The following ASPRV1 variants were observed in gnomAD, a reference collection of about 807,000 sequenced individuals.
The protein encoded by ASPRV1 is aspartic peptidase retroviral like 1.
In ASPRV1, 7 loss-of-function variants were observed where a neutral mutation model predicts 11.0. That is an observed-to-expected ratio of 0.64 (90% confidence interval 0.36 to 1.20). The LOEUF is 1.20. ASPRV1 is among the 50% of genes most tolerant of loss of function. The pLI is 0.02. For synonymous variants in ASPRV1, 136 were observed against 138.4 expected (o/e 0.98, Z 0.12); for missense variants, 299 against 320.0 (o/e 0.93, Z 0.50).
chr2:69,961,368 A>G lies in ASPRV1; in HGVS notation c.69T>C (p.Asp23=), dbSNP rs1173766695. Residue 23 remains aspartate, a synonymous_variant, in exon 1 of 1, where the codon GAT becomes GAC. Transcript: ENST00000320256. Reference sequence around the variant, plus strand: ...AGAGGTTTGGGACGACATTGGCCCCATCAAAAGGTTCCGGGACGAAGGCAT... The same window carrying G: ...AGAGGTTTGGGACGACATTGGCCCCGTCAAAAGGTTCCGGGACGAAGGCAT... ...RQHAFVPEPF[D]GANVVPNLWL... 1 of 1,614,140 alleles carries G rather than the reference A, an allele frequency of 6.2e-7. No individual in the cohort carries two copies. The highest frequency in any genetic ancestry group is 8.5e-7 in the Non-Finnish European group (1 of 1,180,020).
chr2:70,057,995 A>T, the ASPRV1 span, among the ~76,000 whole-genome samples: 2 of 151,226 alleles, frequency 1.3e-5, no homozygotes, highest in African/African-American at 4.9e-5. Context: ...GCGTTTCACC[A>T]TGTTGGCCAG....
the ASPRV1 span, among the ~76,000 whole-genome samples, chr2:69,981,050 A>G: frequency 6.6e-6 from 1 of 152,266 alleles, no homozygotes; most frequent in Admixed American, 6.5e-5. Flanking sequence ...GGCTGGGATT[A>G]CAGGCGTGAG....
the ASPRV1 span, among the ~76,000 whole-genome samples, chr2:69,949,383 G>A: frequency 1.4e-4 from 22 of 152,254 alleles, no homozygotes; most frequent in South Asian, 8.3e-4. Flanking sequence ...GTATCATATG[G>A]CCCCAAGCAG....
chr2:69,992,157 T>C, the ASPRV1 span, among the ~76,000 whole-genome samples: 1 of 152,222 alleles, frequency 6.6e-6, no homozygotes, highest in Non-Finnish European at 1.5e-5. Context: ...ACTTTTTTTT[T>C]TTCTGCCAGT....
chr2:69,984,982 G>A, the ASPRV1 span, among the ~76,000 whole-genome samples: 2 of 151,592 alleles, frequency 1.3e-5, no homozygotes, highest in African/African-American at 4.9e-5. Flanking sequence ...TCAGCCTCCC[G>A]AGTAGCTGGG....
At chr2:69,963,476 T>G (rs1424075296), upstream of ASPRV1, 1 of 456,068 alleles carries the variant, frequency 2.2e-6, no homozygotes, top group African/African-American at 2.0e-5. Context: ...TCCCTGGTAT[T>G]CATTACCTCT....
At chr2:69,936,162 G>A in the ASPRV1 span, among the ~76,000 whole-genome samples, 9 of 151,962 alleles carry the variant, frequency 5.9e-5, no homozygotes, top group African/African-American at 1.5e-4. Flanking sequence ...TCAGATCACA[G>A]TGCAAGTCTC....
the ASPRV1 span, among the ~76,000 whole-genome samples, chr2:70,034,565 T>C: frequency 6.7e-6 from 1 of 149,414 alleles, no homozygotes; most frequent in Non-Finnish European, 1.5e-5. Flanking sequence ...AGCGAGACTT[T>C]GTCTCAAAAA....
chr2:70,081,030 A>G, the ASPRV1 span: 4 of 152,226 alleles, frequency 2.6e-5, no homozygotes, highest in African/African-American at 9.7e-5. Context: ...CTCTGCGCCC[A>G]AAGTGCAGGG....
chr2:69,963,845 G>T (rs1425361567), upstream of ASPRV1, among the ~76,000 whole-genome samples: 1 of 152,190 alleles, frequency 6.6e-6, no homozygotes, highest in East Asian at 1.9e-4. Flanking sequence ...GCCAGAGAAG[G>T]GGATTTTGCA....
the ASPRV1 span, among the ~76,000 whole-genome samples, chr2:70,036,171 G>A: frequency 6.6e-6 from 1 of 151,946 alleles, no homozygotes; most frequent in Non-Finnish European, 1.5e-5. Context: ...GAGCAGTGAA[G>A]AGGTGGGCAG....
the ASPRV1 span, among the ~76,000 whole-genome samples, chr2:70,018,391 TA>T: frequency 6.6e-6 from 1 of 151,888 alleles, no homozygotes; most frequent in Non-Finnish European, 1.5e-5. Context: ...ATCAAAATAC[TA>T]ATAAAATTCT....
At chr2:69,956,451 GGAAGAA>G (rs112463800), downstream of ASPRV1, among the ~76,000 whole-genome samples, 82 of 98,050 alleles carry the variant, frequency 8.4e-4, 1 homozygote, top group African/African-American at 2.9e-3. Flanking sequence ...AAGGAGAAGA[GGAAGAA>G]GAAGAAGAAG....
the ASPRV1 span, chr2:70,053,695 A>T: frequency 3.9e-5 from 6 of 152,158 alleles, no homozygotes; most frequent in Non-Finnish European, 8.8e-5. Context: ...ATCAAGTCTG[A>T]TTCTTCAGGC....
downstream of ASPRV1, chr2:69,959,977 G>A (rs1678026840): frequency 6.6e-6 from 1 of 152,208 alleles, no homozygotes; most frequent in Non-Finnish European, 1.5e-5. Flanking sequence ...TCATCCCTGT[G>A]TATATGTTCT....
At chr2:69,961,798 C>G, upstream of ASPRV1, 1 of 1,219,304 alleles carries the variant, frequency 8.2e-7, no homozygotes, top group South Asian at 1.5e-5. Flanking sequence ...TGGACCAACA[C>G]CAGCCAGCCC....
At chr2:69,976,382 A>C in the ASPRV1 span, 1 of 152,308 alleles carries the variant, frequency 6.6e-6, no homozygotes, top group African/African-American at 2.4e-5. Flanking sequence ...CTTCACCGCA[A>C]CCTCGACCCT....
the ASPRV1 span, chr2:69,938,337 T>C: frequency 6.3e-7 from 1 of 1,582,910 alleles, no homozygotes; most frequent in Non-Finnish European, 8.6e-7. Context: ...TGGTTCTGAT[T>C]AGGTAACGTA....
At chr2:69,997,536 C>G in the ASPRV1 span, among the ~76,000 whole-genome samples, 2 of 152,180 alleles carry the variant, frequency 1.3e-5, no homozygotes, top group Non-Finnish European at 2.9e-5. Context: ...TGCAAAGTCA[C>G]CATGTCTTGG....
Sources: allele counts gnomAD v4.1 joint callset (sites outside exome capture counted in the v4.1 genomes callset), GRCh38; gene constraint gnomAD v4.1.1; transcripts MANE v1.5; gene names NCBI Gene and HGNC (gene_info 2026-07-23, HGNC 2026-07-21).